The following ARHGEF38 variants were observed in gnomAD, a reference collection of about 807,000 sequenced individuals.
ARHGEF38 encodes the protein Rho guanine nucleotide exchange factor (GEF) 38.
ARHGEF38 carries 79 observed loss-of-function variants against 79.9 expected under a neutral mutation model. That is an observed-to-expected ratio of 0.99 (90% confidence interval 0.82 to 1.19). ARHGEF38 has a LOEUF of 1.19. ARHGEF38 is among the 50% of genes most tolerant of loss of function. The pLI, the probability that ARHGEF38 is intolerant of heterozygous loss-of-function variation, is 0.00. For missense variants in ARHGEF38, 962 were observed against 907.2 expected (o/e 1.06, Z -0.78); for synonymous variants, 366 against 328.3 (o/e 1.11, Z -1.24).
In ARHGEF38 at chr4:105,671,401, G is replaced by A. The variant is rs117581016; in HGVS notation, c.2148+3698G>A. Among the ~76,000 whole-genome samples the A allele has an allele frequency of 1.1e-3, 166 of 152,270 alleles. 1 individual carries two copies. The highest frequency in any genetic ancestry group is 6.6e-3 in the East Asian group (34 of 5,184). On this transcript the variant is annotated intron_variant, in intron 13 of 13. Transcript: ENST00000420470. The stretch of plus-strand genomic sequence containing the variant: ...TCACTACAAGGGAGAAGAGAAGGCC[G>A]CATGGAAATATCTCCCTTAATGTCT...
intron 2 of ARHGEF38, among the ~76,000 whole-genome samples, chr4:105,601,746 GC>G (rs1727831469): frequency 6.6e-6 from 1 of 152,120 alleles, no homozygotes; most frequent in South Asian, 2.1e-4. Context: ...AATCAGAGAT[GC>G]TTACACCAGA....
rs551153411 is a variant in ARHGEF38 at position 105,678,106 on chromosome 4, A to C, written c.*169A>C. On this transcript the variant is annotated 3_prime_UTR_variant, in exon 14 of 14. Transcript: ENST00000420470. The stretch of plus-strand genomic sequence containing the variant: ...ACTTCCTAACAGGATTATTGCATGA[A>C]TGTATTATAAAGGATACATGTTGAA... 53 of 496,464 alleles carry C rather than the reference A, an allele frequency of 1.1e-4. No individual in the cohort carries two copies. The highest frequency in any genetic ancestry group is 1.7e-4 in the Non-Finnish European group (51 of 293,852). 30.8% of individuals were successfully genotyped at this position (496,464 alleles called of 1,614,324 possible). A position where few individuals can be genotyped will look rare whatever the true frequency, so the allele number is the denominator to read the frequency against.
chr4:105,605,275 T>A (rs896658059), intron 2 of ARHGEF38, among the ~76,000 whole-genome samples: 2 of 152,020 alleles, frequency 1.3e-5, no homozygotes, highest in African/African-American at 4.8e-5. Flanking sequence ...TCTGTTGGAC[T>A]TTTTTTTAAT....
intron 3 of ARHGEF38, among the ~76,000 whole-genome samples, chr4:105,629,261 G>C (rs955484172): frequency 6.6e-6 from 1 of 151,990 alleles, no homozygotes; most frequent in Admixed American, 6.6e-5. Context: ...GCTGGGGAGG[G>C]GTATGTGCTA....
At chr4:105,555,794 G>C (rs533526147) in intron 1 of ARHGEF38, among the ~76,000 whole-genome samples, 1 of 152,230 alleles carries the variant, frequency 6.6e-6, no homozygotes, top group Middle Eastern at 3.4e-3. Context: ...TCTGGGTTCC[G>C]TAAAATGTAA....
chr4:105,651,553 A>C (rs1730105201), intron 7 of ARHGEF38, among the ~76,000 whole-genome samples: 1 of 152,034 alleles, frequency 6.6e-6, no homozygotes, highest in Non-Finnish European at 1.5e-5. Flanking sequence ...AGTTTCTTTA[A>C]CTCCCCATAT....
chr4:105,570,406 C>T (rs562765399), intron 1 of ARHGEF38, among the ~76,000 whole-genome samples: 51 of 152,220 alleles, frequency 3.4e-4, no homozygotes, highest in Non-Finnish European at 5.6e-4. Context: ...AGTCTGTTCT[C>T]ATGCTGCTGA....
chr4:105,657,942 A>G (rs962150047), intron 9 of ARHGEF38, among the ~76,000 whole-genome samples: 1 of 152,216 alleles, frequency 6.6e-6, no homozygotes, highest in Admixed American at 6.5e-5. Flanking sequence ...CCAAATTATC[A>G]TAAAATATCA....
intron 10 of ARHGEF38, among the ~76,000 whole-genome samples, chr4:105,659,577 T>C (rs1205827457): frequency 6.6e-6 from 1 of 152,258 alleles, no homozygotes; most frequent in African/African-American, 2.4e-5. Context: ...AGGTTTACTG[T>C]GACTTACACA....
At chr4:105,658,650 C>T (rs190853075) in intron 9 of ARHGEF38, among the ~76,000 whole-genome samples, 18 of 152,250 alleles carry the variant, frequency 1.2e-4, no homozygotes, top group Admixed American at 6.5e-4. Flanking sequence ...ATCTTTTACA[C>T]AGTCTTGGTA....
At position 105,680,288 on chromosome 4, in the gene ARHGEF38, A is replaced by ATATC. The variant is rs1432844710; in HGVS notation, c.*2354_*2357dup. ...AAAATAGAAAAATGATAGTCACCAC[A>ATATC]TATCTACTAATGGGATTAAAATGTA... On this transcript the variant is annotated 3_prime_UTR_variant, in exon 14 of 14. Transcript: ENST00000420470. 1 of 348,676 alleles carries ATATC rather than the reference A, an allele frequency of 2.9e-6. No homozygotes were observed. The highest frequency in any genetic ancestry group is 5.5e-6 in the Non-Finnish European group (1 of 181,428). The allele number at this position is 348,676 out of a possible 1,614,324, so 21.6% of individuals were successfully genotyped here. A position where few individuals can be genotyped will look rare whatever the true frequency, so the allele number is the denominator to read the frequency against.
Position 105,666,710 on chromosome 4 carries a change from G to C in ARHGEF38, c.1689+390G>C, listed in dbSNP as rs185341463. The stretch of plus-strand genomic sequence containing the variant: ...AAGTCTCTTAGGGCCCGAGCTGAGG[G>C]GGGGAGTATAAGCGTCTTGATTCTT... On this transcript the variant is annotated intron_variant, in intron 11 of 13. Transcript: ENST00000420470. 2.0e-4 allele frequency among the ~76,000 whole-genome samples: 31 copies of C among 152,286 alleles called. No individual in the cohort carries two copies. The South Asian group carries it at 4.1e-3, about 20-fold the overall frequency.
chr4:105,660,360 A>G (rs1027897908), intron 10 of ARHGEF38, among the ~76,000 whole-genome samples: 15 of 152,112 alleles, frequency 9.9e-5, no homozygotes, highest in African/African-American at 3.4e-4. Flanking sequence ...TATTATATAT[A>G]CCATTCTGCA....
chr4:105,571,553 C>T lies in ARHGEF38; in HGVS notation c.197-17695C>T, dbSNP rs184824070. On this transcript the variant is annotated intron_variant, in intron 1 of 13. Transcript: ENST00000420470. ...GGCCAGGCTGGTCTCAAACTCCTGA[C>T]CTCAGGTGATCCGCCCGCCTCAGCC... 3.7e-4 allele frequency among the ~76,000 whole-genome samples: 57 copies of T among 152,076 alleles called. No individual in the cohort carries two copies. In the East Asian group the frequency reaches 0.011, roughly 29 times the overall value.
intron 1 of ARHGEF38, among the ~76,000 whole-genome samples, chr4:105,574,269 C>T (rs989575447): frequency 7.9e-5 from 12 of 152,088 alleles, no homozygotes; most frequent in Admixed American, 2.6e-4. Context: ...TGGCAAAGAC[C>T]GGGTGCGGTG....
At chr4:105,643,018 C>G (rs1462876592) in intron 5 of ARHGEF38, among the ~76,000 whole-genome samples, 1 of 151,880 alleles carries the variant, frequency 6.6e-6, no homozygotes, top group Non-Finnish European at 1.5e-5. Context: ...AGTGACTAAA[C>G]TGTTGTATTA....
At chr4:105,592,886 C>T (rs919392808) in intron 2 of ARHGEF38, among the ~76,000 whole-genome samples, 15 of 152,154 alleles carry the variant, frequency 9.9e-5, no homozygotes, top group East Asian at 1.9e-4. Context: ...CAATGGTTCC[C>T]GCTTCTAATG....
At chr4:105,622,403 TAG>T (rs1249671032) in intron 3 of ARHGEF38, among the ~76,000 whole-genome samples, 2 of 152,132 alleles carry the variant, frequency 1.3e-5, no homozygotes, top group Non-Finnish European at 2.9e-5. Flanking sequence ...GAGAAGTACA[TAG>T]AAAGAGTAAC....
At chr4:105,641,050 C>T (rs1729596910) in intron 5 of ARHGEF38, among the ~76,000 whole-genome samples, 1 of 152,058 alleles carries the variant, frequency 6.6e-6, no homozygotes, top group Admixed American at 6.6e-5. Flanking sequence ...ACTATTTACT[C>T]CTCATATTTG....
Sources: gnomAD v4.1 joint callset for allele counts (sites outside exome capture counted in the v4.1 genomes callset) on GRCh38, gnomAD v4.1.1 for gene constraint, MANE v1.5 for transcripts, NCBI Gene and HGNC (gene_info 2026-07-23, HGNC 2026-07-21) for gene names.